RAD51B: variants seen among roughly 807,000 people sequenced by gnomAD.
The protein encoded by RAD51B is RAD51 paralog B, also known as DNA repair protein RAD51 homolog 2.
RAD51B carries 38 observed loss-of-function variants against 42.2 expected under a neutral mutation model. The observed-to-expected ratio is 0.90, with a 90% CI of 0.70 to 1.18. The LOEUF (loss-of-function observed/expected upper bound fraction) is 1.18. Ranked by LOEUF, RAD51B falls within the 50% of genes most tolerant of loss-of-function variation. The probability of loss-of-function intolerance (pLI) is 0.00; values close to 1 mark genes in which losing one functional copy is unlikely to be tolerated. For synonymous variants in RAD51B, 154 were observed against 145.2 expected (o/e 1.06, Z -0.43); for missense variants, 373 against 400.7 (o/e 0.93, Z 0.59).
intron 8 of RAD51B, among the ~76,000 whole-genome samples, chr14:68,406,749 AATAAC>A (rs1187938846): frequency 6.6e-6 from 1 of 152,276 alleles, no homozygotes; most frequent in Non-Finnish European, 1.5e-5. Flanking sequence ...TTGATCTTGT[AATAAC>A]ATAACTGAAA....
chr14:68,516,492 C>A (rs1161238381), intron 10 of RAD51B, among the ~76,000 whole-genome samples: 4 of 152,028 alleles, frequency 2.6e-5, no homozygotes. Context: ...ATAAAGTATG[C>A]GAAGGAAACC....
At position 68,289,480 on chromosome 14, in the gene RAD51B, C is replaced by T. The variant is rs1419026863; in HGVS notation, c.757-2404C>T. ...CTGTAATCCCAGCACTCTGGGAGGC[C>T]GAGGTGGGTGGATCATTTTAGGTCA... On this transcript the variant is annotated intron_variant, in intron 7 of 10. Coordinates refer to ENST00000471583, the MANE Select transcript of RAD51B (RefSeq NM_133510.4). Among the ~76,000 whole-genome samples, 43 of 151,386 alleles carry T rather than the reference C, an allele frequency of 2.8e-4. 1 individual carries two copies. Among genetic ancestry groups the T allele is most frequent in the Admixed American group, 2.8e-3 (43 of 15,210 alleles).
intron 7 of RAD51B, among the ~76,000 whole-genome samples, chr14:68,169,590 G>T (rs554048120): frequency 6.6e-6 from 1 of 152,186 alleles, no homozygotes; most frequent in Admixed American, 6.5e-5. Context: ...TCCTCCCCCA[G>T]TCTGATATCT....
intron 8 of RAD51B, among the ~76,000 whole-genome samples, chr14:68,308,830 T>G (rs535481823): frequency 6.6e-6 from 1 of 151,978 alleles, no homozygotes. Flanking sequence ...GCCTGAACAA[T>G]GGAGCTTAAT....
At chr14:68,301,017 G>A (rs982050606) in intron 8 of RAD51B, among the ~76,000 whole-genome samples, 3 of 152,198 alleles carry the variant, frequency 2.0e-5, no homozygotes, top group African/African-American at 7.2e-5. Context: ...GAGTGTCTGA[G>A]TTTTGTGGGT....
chr14:67,921,567 TCACACA>T (rs3219795), intron 7 of RAD51B, among the ~76,000 whole-genome samples: 23,945 of 125,664 alleles, frequency 0.19, 2,202 homozygotes, highest in Middle Eastern at 0.24. Flanking sequence ...TATGTGCACA[TCACACA>T]CACACACACA....
chr14:67,914,017 C>G (rs1038280184), intron 7 of RAD51B, among the ~76,000 whole-genome samples: 4 of 151,230 alleles, frequency 2.6e-5, no homozygotes, highest in Non-Finnish European at 5.9e-5. Context: ...GGGCCTCGCT[C>G]TTTCACCCAG....
intron 10 of RAD51B, among the ~76,000 whole-genome samples, chr14:68,584,100 G>C (rs1357699861): frequency 6.6e-6 from 1 of 152,064 alleles, no homozygotes; most frequent in Non-Finnish European, 1.5e-5. Flanking sequence ...CTGGATTTCT[G>C]CCCAACACCT....
chr14:67,930,666 T>C (rs946377997), intron 7 of RAD51B, among the ~76,000 whole-genome samples: 35 of 152,198 alleles, frequency 2.3e-4, no homozygotes, highest in Non-Finnish European at 3.5e-4. Context: ...CAATGTGTCA[T>C]GGAGAAGACC....
intron 5 of RAD51B, among the ~76,000 whole-genome samples, chr14:67,882,971 C>T (rs1290581194): frequency 6.6e-6 from 1 of 152,242 alleles, no homozygotes; most frequent in Non-Finnish European, 1.5e-5. Flanking sequence ...TCTTGAACTC[C>T]TGACCTCAGG....
chr14:68,625,634 A>G (rs563791361), intron 10 of RAD51B, among the ~76,000 whole-genome samples: 1 of 152,238 alleles, frequency 6.6e-6, no homozygotes, highest in Non-Finnish European at 1.5e-5. Context: ...GTTCCTGCAC[A>G]GGCACCAGGT....
chr14:68,071,367 G>A (rs932929316), intron 7 of RAD51B, among the ~76,000 whole-genome samples: 2 of 152,108 alleles, frequency 1.3e-5, no homozygotes, highest in South Asian at 2.1e-4. Flanking sequence ...AATGCTTCTA[G>A]TTTTTGCCCC....
chr14:68,321,893 G>T (rs1048216848), intron 8 of RAD51B, among the ~76,000 whole-genome samples: 17 of 151,784 alleles, frequency 1.1e-4, no homozygotes, highest in African/African-American at 4.1e-4. Flanking sequence ...TGGGACCACA[G>T]CTACTCCCAC....
chr14:68,648,061 GTA>G (rs540657421), intron 10 of RAD51B, among the ~76,000 whole-genome samples: 2,693 of 93,220 alleles, frequency 0.029, 302 homozygotes, highest in African/African-American at 0.092. Context: ...ATGTGTGTGT[GTA>G]TATATATATA....
chr14:68,006,518 T>C (rs2075594515), intron 7 of RAD51B, among the ~76,000 whole-genome samples: 2 of 152,152 alleles, frequency 1.3e-5, no homozygotes, highest in Admixed American at 1.3e-4. Context: ...TATACAAGTA[T>C]ATATGAGGAT....
chr14:68,318,167 G>A (rs35314249), intron 8 of RAD51B, among the ~76,000 whole-genome samples: 4,502 of 152,266 alleles, frequency 0.03, 234 homozygotes, highest in African/African-American at 0.1. Flanking sequence ...ATTAAAAAAC[G>A]TTTTTGACCA....
intron 8 of RAD51B, among the ~76,000 whole-genome samples, chr14:68,356,043 A>G (rs540278013): frequency 5.9e-5 from 9 of 152,354 alleles, no homozygotes; most frequent in Admixed American, 4.6e-4. Flanking sequence ...TTATATAGCC[A>G]TATCTTGAGG....
intron 7 of RAD51B, among the ~76,000 whole-genome samples, chr14:68,053,688 A>T (rs2076429789): frequency 6.6e-6 from 1 of 152,176 alleles, no homozygotes; most frequent in African/African-American, 2.4e-5. Flanking sequence ...TCTGGTCAAG[A>T]AGAACCTTTT....
rs538187846 is a variant in RAD51B, at chr14:68,559,787, G to A, written c.1037-34698G>A. On this transcript the variant is annotated intron_variant, in intron 10 of 10. Transcript: ENST00000487270. ...ACTAAAGCAATGGCAGGAAAGGTCT[G>A]TCGTCTTGACCACAGACACACACGC... 4.6e-5 allele frequency among the ~76,000 whole-genome samples: 7 copies of A among 152,314 alleles called. No individual in the cohort carries two copies. The South Asian group carries it at 1.2e-3, about 27-fold the overall frequency.
Sources: allele counts gnomAD v4.1 joint callset (sites outside exome capture counted in the v4.1 genomes callset), GRCh38; gene constraint gnomAD v4.1.1; transcripts MANE v1.5; gene names NCBI Gene and HGNC (gene_info 2026-07-23, HGNC 2026-07-21).